Variants in SLC36A2 observed in about 807,000 individuals in gnomAD.
The protein encoded by SLC36A2 is proton-coupled amino acid transporter 2.
Under a neutral mutation model 42.7 loss-of-function variants are expected in SLC36A2, and 39 were observed. That is an observed-to-expected ratio of 0.91 (90% CI 0.71 to 1.19). The LOEUF is 1.19. Among genes scored for constraint, SLC36A2 ranks in the 50% most tolerant of loss-of-function variants. SLC36A2 has a pLI of 0.00. For synonymous variants in SLC36A2, 237 were observed against 240.8 expected (o/e 0.98, Z 0.15); for missense variants, 590 against 613.7 (o/e 0.96, Z 0.41).
In SLC36A2 at chr5:151,316,903, C is replaced by CA. The variant is rs766202165; in HGVS notation, c.1365dup (p.Val456CysfsTer69). On this transcript the variant is annotated frameshift_variant, in exon 10 of 10. Transcript: ENST00000335244. LOFTEE classifies it low-confidence loss of function (END_TRUNC). The stretch of plus-strand genomic sequence containing the variant: ...TCCAGGGCCTGGTAGGTCCCCACCA[C>CA]AAAGCCCACGAAGCCCAGGATGCTG... 4 of 1,614,088 alleles carry CA rather than the reference C, an allele frequency of 2.5e-6. No individual in the cohort carries two copies. Among genetic ancestry groups the CA allele is most frequent in the Non-Finnish European group, 3.4e-6 (4 of 1,179,994 alleles).
At chr5:151,330,011 G>A (rs960317070) in intron 7 of SLC36A2, among the ~76,000 whole-genome samples, 2 of 152,072 alleles carry the variant, frequency 1.3e-5, no homozygotes, top group African/African-American at 4.8e-5. Context: ...CACTGGGTGT[G>A]TGTGTTTAGG....
chr5:151,337,024 A>G (rs997012833), intron 5 of SLC36A2, among the ~76,000 whole-genome samples: 4 of 152,222 alleles, frequency 2.6e-5, no homozygotes, highest in Non-Finnish European at 5.9e-5. Flanking sequence ...CTTGCACTTA[A>G]CAATACACTG....
At chr5:151,329,691 G>C (rs916546525) in intron 7 of SLC36A2, among the ~76,000 whole-genome samples, 2 of 152,136 alleles carry the variant, frequency 1.3e-5, no homozygotes, top group African/African-American at 2.4e-5. Context: ...GCGGAATGTA[G>C]ATAACAGAAA....
At chr5:151,341,401 GA>G (rs1756341845) in intron 4 of SLC36A2, among the ~76,000 whole-genome samples, 1 of 152,152 alleles carries the variant, frequency 6.6e-6, no homozygotes, top group African/African-American at 2.4e-5. Flanking sequence ...ATACCATACA[GA>G]CTACCTGCCA....
intron 7 of SLC36A2, among the ~76,000 whole-genome samples, chr5:151,326,759 C>T (rs185282145): frequency 2.0e-5 from 3 of 152,012 alleles, no homozygotes; most frequent in Admixed American, 1.3e-4. Flanking sequence ...TCTCTACATG[C>T]ACTATTTAGC....
At chr5:151,343,021 G>T (rs1756391740) in intron 3 of SLC36A2, 38 bp from the exon 4 acceptor site, 1 of 1,545,112 alleles carries the variant, frequency 6.5e-7, no homozygotes, top group South Asian at 1.1e-5. Context: ...CCAAGAGATA[G>T]TTTAGCCTAA....
At chr5:151,317,235 G>A in intron 9 of SLC36A2, 147 bp from the exon 10 acceptor site, 1 of 1,023,078 alleles carries the variant, frequency 9.8e-7, no homozygotes, top group Non-Finnish European at 1.4e-6. Context: ...GTGGATCACT[G>A]AAGGTTGGGA....
intron 3 of SLC36A2, 104 bp downstream of exon 3, chr5:151,343,406 G>A: frequency 8.2e-7 from 1 of 1,214,918 alleles, no homozygotes; most frequent in South Asian, 1.2e-5. Context: ...TGGCCTTATT[G>A]GAGAAAACTA....
chr5:151,322,034 C>T lies in SLC36A2; in HGVS notation c.1180+12G>A. 1 of 1,614,156 alleles carries T rather than the reference C, an allele frequency of 6.2e-7. No individual in the cohort carries two copies. The highest frequency in any genetic ancestry group is 8.5e-7 in the Non-Finnish European group (1 of 1,180,004). On this transcript the variant is annotated intron_variant, in intron 9 of 9. Coordinates refer to ENST00000335244, the MANE Select transcript of SLC36A2 (RefSeq NM_181776.3). ...AGATCAGCAGGAACACTGCACTCTC[C>T]TTTCTACTCACATGTCAGGCAGACC...
chr5:151,339,571 A>G (rs369030668), intron 4 of SLC36A2, among the ~76,000 whole-genome samples: 11 of 152,200 alleles, frequency 7.2e-5, no homozygotes, highest in African/African-American at 1.7e-4. Flanking sequence ...TGGCCTCCCA[A>G]AGTGCTGGGA....
chr5:151,327,934 T>C (rs1755896855), intron 7 of SLC36A2, among the ~76,000 whole-genome samples: 1 of 152,200 alleles, frequency 6.6e-6, no homozygotes, highest in Non-Finnish European at 1.5e-5. Flanking sequence ...TTCTGTAAAA[T>C]TGGAGACTGG....
intron 5 of SLC36A2, among the ~76,000 whole-genome samples, chr5:151,335,944 C>G (rs1248647849): frequency 6.6e-6 from 1 of 151,234 alleles, no homozygotes; most frequent in Non-Finnish European, 1.5e-5. Context: ...ACAAGAATCG[C>G]TTGAGCCAAG....
chr5:151,339,386 C>T (rs1285039378), intron 4 of SLC36A2, among the ~76,000 whole-genome samples: 1 of 151,158 alleles, frequency 6.6e-6, no homozygotes, highest in Non-Finnish European at 1.5e-5. Flanking sequence ...GGGATCTCGG[C>T]TCACCACAAC....
chr5:151,324,859 A>C (rs1476841124), intron 8 of SLC36A2, among the ~76,000 whole-genome samples: 1 of 152,072 alleles, frequency 6.6e-6, no homozygotes, highest in African/African-American at 2.4e-5. Flanking sequence ...AGGTTGGCCC[A>C]ATTGGTTTTT....
chr5:151,342,042 CT>C (rs1756361304), intron 4 of SLC36A2, among the ~76,000 whole-genome samples: 4 of 152,202 alleles, frequency 2.6e-5, no homozygotes. Context: ...CTCTTGCTCC[CT>C]TACAATCTAT....
At chr5:151,346,971 G>T (rs1399384771) in intron 1 of SLC36A2, among the ~76,000 whole-genome samples, 1 of 152,072 alleles carries the variant, frequency 6.6e-6, no homozygotes, top group Non-Finnish European at 1.5e-5. Flanking sequence ...TCTTAACATC[G>T]CTGGCCAGGA....
Position 151,326,987 on chromosome 5 carries a change from A to G in SLC36A2, c.844-1535T>C, listed in dbSNP as rs1000035131. Reference sequence around the variant, plus strand: ...GCTGCCATGCCCGGCTGATTTTTGTATTTTTTTTGTAGAAACAGAGTTTTG... The same window carrying G: ...GCTGCCATGCCCGGCTGATTTTTGTGTTTTTTTTGTAGAAACAGAGTTTTG... On this transcript the variant is annotated intron_variant, in intron 7 of 9. Transcript: ENST00000335244. Among the ~76,000 whole-genome samples, 5 of 151,328 alleles carry G rather than the reference A, an allele frequency of 3.3e-5. No individual in the cohort carries two copies. The South Asian group carries it at 8.3e-4, about 25-fold the overall frequency.
Position 151,316,763 on chromosome 5 carries a change from A to AAG in SLC36A2, c.*53_*54insCT. ...CTCAAAAAAAAAAAAAAAAAAAAAA[A>AAG]GAGATCCATATAATTAAAAGTCGGG... On this transcript the variant is annotated 3_prime_UTR_variant, in exon 10 of 10. Coordinates refer to ENST00000335244, the MANE Select transcript of SLC36A2 (RefSeq NM_181776.3). 1 of 1,490,254 alleles carries AAG rather than the reference A, an allele frequency of 6.7e-7. No homozygotes were observed. Among genetic ancestry groups the AAG allele is most frequent in the East Asian group, 2.3e-5 (1 of 43,792 alleles). 92.3% of individuals were successfully genotyped at this position (1,490,254 alleles called of 1,614,324 possible).
chr5:151,341,221 C>T (rs937850391), intron 4 of SLC36A2, among the ~76,000 whole-genome samples: 1 of 152,144 alleles, frequency 6.6e-6, no homozygotes, highest in African/African-American at 2.4e-5. Flanking sequence ...ATATGCCCAA[C>T]AACAAGTAGA....
Sources: allele counts gnomAD v4.1 joint callset (sites outside exome capture counted in the v4.1 genomes callset), GRCh38; gene constraint gnomAD v4.1.1; transcripts MANE v1.5; gene names NCBI Gene and HGNC (gene_info 2026-07-23, HGNC 2026-07-21).